The following GPC5 variants were observed in gnomAD, a reference collection of about 807,000 sequenced individuals.
GPC5 encodes the protein glypican 5, also known as glypican-5.
Under a neutral mutation model 53.9 loss-of-function variants are expected in GPC5, and 47 were observed. The observed-to-expected ratio is 0.87, with a 90% confidence interval of 0.69 to 1.11. The LOEUF (loss-of-function observed/expected upper bound fraction) is 1.11, where lower values mean the gene tolerates loss of function less well. Among genes scored for constraint, GPC5 ranks in the 50% most tolerant of loss-of-function variants. The pLI, the probability that GPC5 is intolerant of heterozygous loss-of-function variation, is 0.00. For missense variants in GPC5, 748 were observed against 713.1 expected, an observed-to-expected ratio of 1.05 and a Z score of -0.56; for synonymous variants, 286 against 263.3, an observed-to-expected ratio of 1.09 and a Z score of -0.84.
At position 91,693,719 on chromosome 13, in the gene GPC5, G is replaced by A. The variant is rs566070268; in HGVS notation, c.858G>A (p.Ala286=). Reference sequence around the variant, plus strand: ...TGCGAGGCTGCCTGGCGCACATGGCGGAGCTTAATCCACACTGGCATGCAT... The same window carrying A: ...TGCGAGGCTGCCTGGCGCACATGGCAGAGCTTAATCCACACTGGCATGCAT... The part of the protein sequence containing the change: ...NVMRGCLAHM[A]ELNPHWHAYI... The change falls in exon 3 of 8, where the codon GCG becomes GCA. Residue 286 remains alanine, a synonymous_variant. Coordinates refer to ENST00000377067, the MANE Select transcript of GPC5 (RefSeq NM_004466.6). The A allele has an allele frequency of 8.4e-5, 135 of 1,614,134 alleles. 1 individual carries two copies. Among genetic ancestry groups the A allele is most frequent in the Admixed American group, 3.0e-4 (18 of 60,026 alleles).
chr13:92,838,602 A>T (rs955239006), intron 7 of GPC5, among the ~76,000 whole-genome samples: 1 of 152,160 alleles, frequency 6.6e-6, no homozygotes, highest in African/African-American at 2.4e-5. Flanking sequence ...ACATGAAAAG[A>T]TTGGAACAGA....
At chr13:92,681,542 A>G (rs566320790) in intron 7 of GPC5, among the ~76,000 whole-genome samples, 1 of 152,172 alleles carries the variant, frequency 6.6e-6, no homozygotes, top group South Asian at 2.1e-4. Flanking sequence ...TGGTTCTGAA[A>G]AGCAAATCTT....
intron 7 of GPC5, among the ~76,000 whole-genome samples, chr13:92,771,423 A>T (rs1198342704): frequency 6.6e-6 from 1 of 151,768 alleles, no homozygotes; most frequent in East Asian, 1.9e-4. Flanking sequence ...GCTCACTGCA[A>T]CCTCCGCCCC....
intron 5 of GPC5, among the ~76,000 whole-genome samples, chr13:91,811,042 A>C (rs1193804634): frequency 6.6e-6 from 1 of 151,902 alleles, no homozygotes; most frequent in East Asian, 1.9e-4. Context: ...ACATAACACT[A>C]ACTCGTGTCT....
chr13:91,828,237 T>C (rs994783917), intron 5 of GPC5, among the ~76,000 whole-genome samples: 16 of 152,056 alleles, frequency 1.1e-4, no homozygotes, highest in African/African-American at 3.9e-4. Context: ...AAAAACTCAT[T>C]GAATGGTACA....
intron 7 of GPC5, among the ~76,000 whole-genome samples, chr13:92,152,961 A>G (rs575674296): frequency 1.3e-5 from 2 of 152,294 alleles, no homozygotes; most frequent in Admixed American, 6.5e-5. Context: ...TAAAAAATAC[A>G]GTTTTAACCA....
At chr13:92,150,552 G>A (rs1365151387) in intron 7 of GPC5, among the ~76,000 whole-genome samples, 1 of 151,884 alleles carries the variant, frequency 6.6e-6, no homozygotes, top group African/African-American at 2.4e-5. Flanking sequence ...ATGGAATGTA[G>A]ATACCTAATG....
intron 7 of GPC5, among the ~76,000 whole-genome samples, chr13:92,383,808 T>G (rs1158296737): frequency 6.6e-6 from 1 of 152,160 alleles, no homozygotes; most frequent in Non-Finnish European, 1.5e-5. Context: ...TTTAAAAAGT[T>G]TTTGAGAAAA....
chr13:92,012,329 A>G (rs2040668950), intron 6 of GPC5, among the ~76,000 whole-genome samples: 1 of 152,168 alleles, frequency 6.6e-6, no homozygotes, highest in Non-Finnish European at 1.5e-5. Flanking sequence ...AAACATGCTA[A>G]TTGTATTAAA....
intron 2 of GPC5, among the ~76,000 whole-genome samples, chr13:91,683,052 T>C (rs538447712): frequency 1.3e-5 from 2 of 149,618 alleles, no homozygotes; most frequent in Non-Finnish European, 3.0e-5. Context: ...AAAAAAAAGG[T>C]CTTTGCATAT....
intron 2 of GPC5, among the ~76,000 whole-genome samples, chr13:91,515,742 A>G (rs1885462509): frequency 6.7e-6 from 1 of 149,382 alleles, no homozygotes; most frequent in Non-Finnish European, 1.5e-5. Flanking sequence ...CCCATTTGGG[A>G]TAGTCTTCTG....
chr13:92,305,206 C>T (rs2043102971), intron 7 of GPC5, among the ~76,000 whole-genome samples: 2 of 152,050 alleles, frequency 1.3e-5, no homozygotes, highest in South Asian at 4.1e-4. Context: ...ATCACCGTCC[C>T]TTCAAAATAT....
chr13:91,763,218 G>A (rs2037451586), intron 5 of GPC5, among the ~76,000 whole-genome samples: 1 of 152,102 alleles, frequency 6.6e-6, no homozygotes, highest in Non-Finnish European at 1.5e-5. Flanking sequence ...TTAGATGAAG[G>A]GAGATGAATC....
chr13:92,271,859 C>T (rs978812118), intron 7 of GPC5, among the ~76,000 whole-genome samples: 1 of 152,124 alleles, frequency 6.6e-6, no homozygotes, highest in Non-Finnish European at 1.5e-5. Flanking sequence ...AGTAATGTTT[C>T]TTAGGCAGTA....
chr13:92,654,263 T>C (rs11839036), intron 7 of GPC5, among the ~76,000 whole-genome samples: 36,285 of 152,056 alleles, frequency 0.24, 5,037 homozygotes, highest in South Asian at 0.39. Context: ...TAAAGATTGG[T>C]TTTTTAAAAA....
At chr13:92,659,498 C>T (rs1219934416) in intron 7 of GPC5, among the ~76,000 whole-genome samples, 4 of 149,520 alleles carry the variant, frequency 2.7e-5, no homozygotes, top group African/African-American at 9.9e-5. Flanking sequence ...AGAAAGAAAA[C>T]TCTGAGGAAC....
rs552708913 is a variant in GPC5, at chr13:92,826,434, G to A, written c.1562-39848G>A. On this transcript the variant is annotated intron_variant, in intron 7 of 7. Transcript: ENST00000377067. ...AGTCTCAGATAAGACCACAGCCCCA[G>A]ACAACATATAAATTGCTGCCTTGTG... Among the ~76,000 whole-genome samples the A allele has an allele frequency of 2.6e-5, 4 of 152,220 alleles. No individual in the cohort carries two copies. The East Asian group carries it at 7.7e-4, about 29-fold the overall frequency.
At chr13:92,346,664 T>A (rs2043415540) in intron 7 of GPC5, among the ~76,000 whole-genome samples, 1 of 152,166 alleles carries the variant, frequency 6.6e-6, no homozygotes. Context: ...TAGGGAATCA[T>A]TACACTTCAA....
chr13:91,711,420 C>G (rs2036223373), intron 3 of GPC5, among the ~76,000 whole-genome samples: 1 of 150,296 alleles, frequency 6.7e-6, no homozygotes, highest in Non-Finnish European at 1.5e-5. Flanking sequence ...CACTTGGACA[C>G]AGGGTGGGGA....
Sources: gnomAD v4.1 joint callset for allele counts (sites outside exome capture counted in the v4.1 genomes callset) on GRCh38, gnomAD v4.1.1 for gene constraint, MANE v1.5 for transcripts, NCBI Gene and HGNC (gene_info 2026-07-23, HGNC 2026-07-21) for gene names.